The following SHISA6 variants were observed in gnomAD, a reference collection of about 807,000 sequenced individuals.
SHISA6 encodes protein shisa-6.
In SHISA6, 22 loss-of-function variants were observed where a neutral mutation model predicts 47.9. The observed-to-expected ratio is 0.46, with a 90% confidence interval of 0.33 to 0.66. The LOEUF is 0.66. Ranked by LOEUF, SHISA6 falls within the 30% of genes least tolerant of loss-of-function variation. The pLI, the probability that SHISA6 is intolerant of heterozygous loss-of-function variation, is 0.02. For synonymous variants in SHISA6, 388 were observed against 337.8 expected, an observed-to-expected ratio of 1.15 and a Z score of -1.63; for missense variants, 680 against 764.6, an observed-to-expected ratio of 0.89 and a Z score of 1.30.
intron 3 of SHISA6, among the ~76,000 whole-genome samples, chr17:11,411,366 A>G (rs8081092): frequency 0.35 from 52,465 of 151,884 alleles, 9,474 homozygotes; most frequent in Non-Finnish European, 0.42. Context: ...TTGAAGGCCC[A>G]CATATTTATT....
intron 3 of SHISA6, among the ~76,000 whole-genome samples, chr17:11,518,433 T>C (rs944406131): frequency 1.3e-5 from 2 of 152,044 alleles, no homozygotes; most frequent in African/African-American, 4.8e-5. Flanking sequence ...CTTTAACATG[T>C]TGGGCCAGGA....
chr17:11,521,706 G>C (rs7214734), intron 3 of SHISA6, among the ~76,000 whole-genome samples: 1 of 152,134 alleles, frequency 6.6e-6, no homozygotes, highest in African/African-American at 2.4e-5. Flanking sequence ...AGGAGGCTGA[G>C]ATGAGAGGAT....
At chr17:11,281,051 TTTATTAGCTTTTTC>T (rs930620161) in intron 2 of SHISA6, among the ~76,000 whole-genome samples, 2 of 152,238 alleles carry the variant, frequency 1.3e-5, no homozygotes, top group African/African-American at 4.8e-5. Context: ...TCCTATCAGT[TTTATTAGCTTTTTC>T]ATAGATTTTT....
In SHISA6 at chr17:11,241,685, C is replaced by A; in HGVS notation, c.263C>A (p.Ala88Asp). 6.7e-7 allele frequency: 1 copy of A among 1,502,466 alleles called. No homozygotes were observed. The highest frequency in any genetic ancestry group is 8.8e-7 in the Non-Finnish European group (1 of 1,130,922). The allele number at this position is 1,502,466 out of a possible 1,614,324, so 93.1% of individuals were successfully genotyped here. A position where few individuals can be genotyped will look rare whatever the true frequency, so the allele number is the denominator to read the frequency against. ...GCTGTGGCGGCGGCGGCCAGCGCGG[C>A]CGTCACCTACGAGACGTGCTGGGGC... Reference protein sequence around the residue: ...AAAVAAAASAAVTYETCWGYY... With the variant: ...AAAVAAAASADVTYETCWGYY... Residue 88 changes from alanine to aspartate, a missense_variant, in exon 1 of 6, where the codon GCC becomes GAC. This residue lies in a region of SHISA6 where 559 missense variants were observed against 674.1 expected (regional missense o/e 0.83). Coordinates refer to ENST00000441885, the MANE Select transcript of SHISA6 (RefSeq NM_207386.4). The surrounding 1 kb of genome is among the most constrained non-coding windows in gnomAD (Gnocchi z 5.5).
Position 11,242,037 on chromosome 17 carries a change from T to C in SHISA6, c.615T>C (p.Pro205=). ...AKVSYDKAHR[P]PREMNIHRAL... ...TCTCCTACGACAAGGCCCACCGCCC[T>C]CCACGGGAGATGAACATCCACAGGT... is the stretch of plus-strand genomic sequence containing the variant. The change falls in exon 1 of 6, where the codon CCT becomes CCC. Residue 205 remains proline (P), a synonymous_variant. Coordinates refer to ENST00000441885, the MANE Select transcript of SHISA6 (RefSeq NM_207386.4). 1 of 1,550,794 alleles carries C rather than the reference T, an allele frequency of 6.4e-7. No individual in the cohort carries two copies. Among genetic ancestry groups the C allele is most frequent in the Non-Finnish European group, 8.7e-7 (1 of 1,147,004 alleles).
intron 3 of SHISA6, among the ~76,000 whole-genome samples, chr17:11,538,312 C>T (rs1464663288): frequency 2.6e-5 from 4 of 152,158 alleles, no homozygotes; most frequent in Admixed American, 6.5e-5. Flanking sequence ...CCACCCGCTT[C>T]GGCCTCCCAA....
chr17:11,305,532 GA>G (rs978298901), intron 2 of SHISA6, among the ~76,000 whole-genome samples: 4 of 152,224 alleles, frequency 2.6e-5, no homozygotes, highest in African/African-American at 9.7e-5. Flanking sequence ...TGGATTGACT[GA>G]TGAAGCCCGC....
At chr17:11,424,361 A>G (rs1458408258) in intron 3 of SHISA6, among the ~76,000 whole-genome samples, 1 of 152,208 alleles carries the variant, frequency 6.6e-6, no homozygotes, top group Non-Finnish European at 1.5e-5. Context: ...TGTGTATGAA[A>G]TCATCATCAA....
chr17:11,457,262 CCTT>C (rs778118526), intron 3 of SHISA6, among the ~76,000 whole-genome samples: 59 of 152,200 alleles, frequency 3.9e-4, no homozygotes, highest in Non-Finnish European at 8.1e-4. Flanking sequence ...ACCCTGCACT[CCTT>C]CTCCTTTACT....
chr17:11,479,554 C>T (rs1916161040), intron 3 of SHISA6, among the ~76,000 whole-genome samples: 1 of 152,046 alleles, frequency 6.6e-6, no homozygotes, highest in Non-Finnish European at 1.5e-5. Flanking sequence ...GTGCAGCAAA[C>T]CACCATGGCA....
intron 3 of SHISA6, among the ~76,000 whole-genome samples, chr17:11,494,768 G>C (rs988694097): frequency 6.6e-6 from 1 of 152,198 alleles, no homozygotes; most frequent in Non-Finnish European, 1.5e-5. Context: ...GGTTAACCCG[G>C]TGACAGTGCC....
intron 3 of SHISA6, among the ~76,000 whole-genome samples, chr17:11,433,890 G>A (rs1177764293): frequency 1.3e-5 from 2 of 152,006 alleles, no homozygotes; most frequent in African/African-American, 4.8e-5. Context: ...AAACAAGACT[G>A]CATCAAAGGA....
intron 3 of SHISA6, among the ~76,000 whole-genome samples, chr17:11,536,646 G>A (rs772778002): frequency 1.3e-5 from 2 of 152,114 alleles, no homozygotes; most frequent in African/African-American, 2.4e-5. Flanking sequence ...TGCCTCCATA[G>A]GGAGCCCACC....
intron 2 of SHISA6, among the ~76,000 whole-genome samples, chr17:11,275,680 G>C (rs1022010609): frequency 6.6e-6 from 1 of 152,162 alleles, no homozygotes; most frequent in Non-Finnish European, 1.5e-5. Flanking sequence ...CACTGAAGCC[G>C]AGACCCAAAT....
intron 2 of SHISA6, among the ~76,000 whole-genome samples, chr17:11,293,240 G>A (rs1302658149): frequency 6.6e-6 from 1 of 151,848 alleles, no homozygotes; most frequent in Non-Finnish European, 1.5e-5. Context: ...GCTTTTTTTC[G>A]CAGGTCAGTT....
In SHISA6 at chr17:11,241,655, C is replaced by T. The variant is rs1051911437; in HGVS notation, c.233C>T (p.Ala78Val). The change falls in exon 1 of 6, where the codon GCG (alanine) becomes GTG (valine). Residue 78 changes from alanine to valine, a missense_variant. Coordinates refer to ENST00000441885, the MANE Select transcript of SHISA6 (RefSeq NM_207386.4). This position sits in a 1 kb window ranked among gnomAD's most constrained non-coding sequence, Gnocchi z 5.5. ...GCGGGAAGCCGGCGGGGGCAGCCCG[C>T]GGCGGCTGTGGCGGCGGCGGCCAGC... ...PEAGSRRGQP[A>V]AAVAAAASAA... is the part of the protein sequence containing the mutation. 7.6e-5 allele frequency: 110 copies of T among 1,441,148 alleles called. No homozygotes were observed. The highest frequency in any genetic ancestry group is 9.5e-5 in the Non-Finnish European group (105 of 1,104,384). The allele number at this position is 1,441,148 out of a possible 1,614,324, so 89.3% of individuals were successfully genotyped here.
At chr17:11,257,162 G>A (rs1282578642) in intron 1 of SHISA6, among the ~76,000 whole-genome samples, 4 of 152,236 alleles carry the variant, frequency 2.6e-5, no homozygotes, top group African/African-American at 7.2e-5. Context: ...GCCAGCAGCT[G>A]TGTTTTTCAA....
At chr17:11,330,121 C>A (rs1015002155) in intron 2 of SHISA6, among the ~76,000 whole-genome samples, 4 of 152,130 alleles carry the variant, frequency 2.6e-5, no homozygotes, top group Non-Finnish European at 2.9e-5. Flanking sequence ...AAAGCCTTTC[C>A]TTATATTTCT....
intron 3 of SHISA6, among the ~76,000 whole-genome samples, chr17:11,455,520 C>T (rs184143191): frequency 6.6e-6 from 1 of 150,860 alleles, no homozygotes; most frequent in Admixed American, 6.6e-5. Context: ...AGTGTGTGTA[C>T]AAGCGTGGAA....
Sources: gnomAD v4.1 joint callset for allele counts (sites outside exome capture counted in the v4.1 genomes callset) on GRCh38, gnomAD v4.1.1 for gene constraint, gnomAD v4.1.1 regional missense constraint, Gnocchi (gnomAD v3.1) non-coding constraint, MANE v1.5 for transcripts, NCBI Gene and HGNC (gene_info 2026-07-23, HGNC 2026-07-21) for gene names.